The following MLLT3 variants were observed in gnomAD, a reference collection of about 807,000 sequenced individuals.
MLLT3 encodes the protein protein AF-9.
In MLLT3, 4 loss-of-function variants were observed where a neutral mutation model predicts 53.2. That is an observed-to-expected ratio of 0.08 (90% CI 0.04 to 0.17). The LOEUF (loss-of-function observed/expected upper bound fraction) is 0.17. Ranked by LOEUF, MLLT3 falls within the 10% of genes least tolerant of loss-of-function variation. The pLI is 1.00. For synonymous variants in MLLT3, 283 were observed against 230.6 expected, an observed-to-expected ratio of 1.23 and a Z score of -2.06; for missense variants, 569 against 684.0, an observed-to-expected ratio of 0.83 and a Z score of 1.87.
At chr9:20,463,326 G>C (rs116214533) in intron 2 of MLLT3, among the ~76,000 whole-genome samples, 1 of 152,184 alleles carries the variant, frequency 6.6e-6, no homozygotes, top group African/African-American at 2.4e-5. Flanking sequence ...AACATTTTCA[G>C]CTTTCTAAGG....
chr9:20,594,019 C>T (rs562078297), intron 2 of MLLT3, among the ~76,000 whole-genome samples: 4 of 151,104 alleles, frequency 2.6e-5, no homozygotes, highest in African/African-American at 9.7e-5. Flanking sequence ...CGGCTCACTG[C>T]AACATCCGTC....
Position 20,493,194 on chromosome 9 carries a change from C to T in MLLT3, c.194-36408G>A, listed in dbSNP as rs368563284. Among the ~76,000 whole-genome samples, 5 of 152,062 alleles carry T rather than the reference C, an allele frequency of 3.3e-5. No individual in the cohort carries two copies. The East Asian group carries it at 9.6e-4, about 29-fold the overall frequency. On this transcript the variant is annotated intron_variant, in intron 2 of 10. Coordinates refer to ENST00000380338, the MANE Select transcript of MLLT3 (RefSeq NM_004529.4). Reference sequence around the variant, plus strand: ...AACTTTATCTTCAAGTGTCTTCCTACTCTTGTTATTAGAAAAACATTGTTT... The same window carrying T: ...AACTTTATCTTCAAGTGTCTTCCTATTCTTGTTATTAGAAAAACATTGTTT...
At chr9:20,481,998 C>G (rs553383096) in intron 2 of MLLT3, among the ~76,000 whole-genome samples, 2 of 152,166 alleles carry the variant, frequency 1.3e-5, no homozygotes, top group African/African-American at 4.8e-5. Flanking sequence ...AAATGTACTT[C>G]GAACTCAAGA....
chr9:20,481,834 A>AT (rs1824670422), intron 2 of MLLT3, among the ~76,000 whole-genome samples: 1 of 152,178 alleles, frequency 6.6e-6, no homozygotes, highest in Admixed American at 6.5e-5. Context: ...CTAAAACCAC[A>AT]TTTTTTAAAA....
rs550519742 is a variant in MLLT3, at chr9:20,519,458, T to G, written c.194-62672A>C. Among the ~76,000 whole-genome samples, 3 of 152,336 alleles carry G rather than the reference T, an allele frequency of 2.0e-5. No homozygotes were observed. The South Asian group carries it at 6.2e-4, about 32-fold the overall frequency. ...TGCCAGATGGAAGCATGTCATTATA[T>G]TAGGCCATATTAAGAGCCATATATA... On this transcript the variant is annotated intron_variant, in intron 2 of 10. Coordinates refer to ENST00000380338, the MANE Select transcript of MLLT3 (RefSeq NM_004529.4).
At chr9:20,391,777 C>A (rs1178315358) in intron 5 of MLLT3, among the ~76,000 whole-genome samples, 1 of 152,132 alleles carries the variant, frequency 6.6e-6, no homozygotes, top group African/African-American at 2.4e-5. Context: ...ATCAAATGTA[C>A]TTCTCTCAAG....
chr9:20,360,646 T>G (rs1241045934), intron 8 of MLLT3, 96 bp downstream of exon 8: 2 of 989,756 alleles, frequency 2.0e-6, no homozygotes, highest in African/African-American at 3.2e-5. Context: ...AAGAGGAAGT[T>G]TGTTTAAAAT....
chr9:20,367,168 C>A (rs1279876653), intron 5 of MLLT3, among the ~76,000 whole-genome samples: 2 of 152,034 alleles, frequency 1.3e-5, no homozygotes, highest in Admixed American at 6.5e-5. Flanking sequence ...ACACACACCC[C>A]AATCTCTTAC....
At chr9:20,400,092 T>C (rs1284793076) in intron 5 of MLLT3, among the ~76,000 whole-genome samples, 3 of 150,870 alleles carry the variant, frequency 2.0e-5, no homozygotes, top group Admixed American at 6.6e-5. Flanking sequence ...AATAAAAGAA[T>C]ATAATCTACC....
At chr9:20,510,520 G>C (rs758150119) in intron 2 of MLLT3, among the ~76,000 whole-genome samples, 2 of 150,948 alleles carry the variant, frequency 1.3e-5, no homozygotes, top group Non-Finnish European at 2.9e-5. Context: ...GCTGAGGCAG[G>C]AGAATCGCTT....
chr9:20,491,309 G>C (rs1824941397), intron 2 of MLLT3, among the ~76,000 whole-genome samples: 1 of 151,934 alleles, frequency 6.6e-6, no homozygotes, highest in Admixed American at 6.6e-5. Flanking sequence ...AGAAAAAAAT[G>C]AAAGTAATTT....
chr9:20,432,243 T>A (rs977562101), intron 4 of MLLT3, among the ~76,000 whole-genome samples: 1 of 152,148 alleles, frequency 6.6e-6, no homozygotes, highest in Non-Finnish European at 1.5e-5. Flanking sequence ...GAATAGGCAA[T>A]CAAGTATGTG....
chr9:20,406,227 T>C (rs1467424096), intron 5 of MLLT3, among the ~76,000 whole-genome samples: 1 of 152,066 alleles, frequency 6.6e-6, no homozygotes, highest in Non-Finnish European at 1.5e-5. Flanking sequence ...CTGGGCCATA[T>C]AGCGAGACCC....
At chr9:20,381,293 T>C (rs1190588728) in intron 5 of MLLT3, among the ~76,000 whole-genome samples, 1 of 152,108 alleles carries the variant, frequency 6.6e-6, no homozygotes, top group East Asian at 1.9e-4. Flanking sequence ...TGATTGCATT[T>C]AATTTATAGA....
At chr9:20,524,879 C>A (rs142154343) in intron 2 of MLLT3, among the ~76,000 whole-genome samples, 1 of 152,138 alleles carries the variant, frequency 6.6e-6, no homozygotes, top group African/African-American at 2.4e-5. Flanking sequence ...ACTTGTCCTT[C>A]CAAAAGGAAA....
At chr9:20,572,613 G>A (rs541882138) in intron 2 of MLLT3, among the ~76,000 whole-genome samples, 11 of 152,254 alleles carry the variant, frequency 7.2e-5, no homozygotes, top group South Asian at 6.2e-4. Context: ...GGCCAAAATC[G>A]TGAAACCCCA....
chr9:20,402,493 C>T (rs550746060), intron 5 of MLLT3, among the ~76,000 whole-genome samples: 12 of 152,228 alleles, frequency 7.9e-5, no homozygotes, highest in African/African-American at 2.4e-4. Flanking sequence ...GAGGGTGGAA[C>T]GGAGGAGGAT....
chr9:20,377,416 G>A (rs1237250730), intron 5 of MLLT3, among the ~76,000 whole-genome samples: 3 of 151,670 alleles, frequency 2.0e-5, no homozygotes, highest in African/African-American at 7.3e-5. Context: ...GCTCAGTACT[G>A]GATTATAAAT....
At chr9:20,564,925 C>T (rs150448628) in intron 2 of MLLT3, among the ~76,000 whole-genome samples, 2 of 152,114 alleles carry the variant, frequency 1.3e-5, no homozygotes, top group East Asian at 3.8e-4. Flanking sequence ...AAATACCACA[C>T]GGTATGGGTA....
Sources: allele counts gnomAD v4.1 joint callset (sites outside exome capture counted in the v4.1 genomes callset), GRCh38; gene constraint gnomAD v4.1.1; transcripts MANE v1.5; gene names NCBI Gene and HGNC (gene_info 2026-07-23, HGNC 2026-07-21).